Variants in PKHD1 observed in about 807,000 individuals in gnomAD.
The protein encoded by PKHD1 is PKHD1 ciliary IPT domain containing fibrocystin/polyductin.
A neutral mutation model predicts 412.0 loss-of-function variants in PKHD1; 291 were observed. The ratio of observed to expected loss-of-function variants is 0.71; its 90% confidence interval spans 0.64 to 0.78. PKHD1 has a LOEUF of 0.78. Among genes scored for constraint, PKHD1 ranks in the 30% least tolerant of loss-of-function variants. The pLI is 0.00. For synonymous variants in PKHD1, 1,777 were observed against 1,821.5 expected (o/e 0.98, Z 0.62); for missense variants, 4,825 against 4,950.7 (o/e 0.97, Z 0.76).
chr6:52,002,767 AAATT>A (rs1379761468), intron 35 of PKHD1, among the ~76,000 whole-genome samples: 1 of 152,048 alleles, frequency 6.6e-6, no homozygotes, highest in Admixed American at 6.5e-5. Context: ...AGGAGAAACA[AAATT>A]AATTAGGGAA....
chr6:51,854,345 C>T (rs1772890907), intron 49 of PKHD1, among the ~76,000 whole-genome samples: 1 of 152,058 alleles, frequency 6.6e-6, no homozygotes, highest in Non-Finnish European at 1.5e-5. Flanking sequence ...AACCTGATGC[C>T]AGTAGGATCG....
At chr6:51,771,820 T>C (rs1387420993) in intron 55 of PKHD1, among the ~76,000 whole-genome samples, 4 of 152,104 alleles carry the variant, frequency 2.6e-5, no homozygotes, top group African/African-American at 9.6e-5. Flanking sequence ...GTCCAATTCT[T>C]TGGTCACAAT....
At chr6:51,743,299 T>C (rs1307472304) in intron 60 of PKHD1, among the ~76,000 whole-genome samples, 1 of 152,002 alleles carries the variant, frequency 6.6e-6, no homozygotes, top group East Asian at 1.9e-4. Flanking sequence ...AATGAGAAGT[T>C]TGAGAATTTG....
At chr6:51,763,516 C>A (rs1233583147) in intron 55 of PKHD1, among the ~76,000 whole-genome samples, 1 of 152,070 alleles carries the variant, frequency 6.6e-6, no homozygotes, top group Non-Finnish European at 1.5e-5. Flanking sequence ...ATTAAAGTTT[C>A]TTATTGATCC....
chr6:51,994,735 C>A (rs1161155254), intron 35 of PKHD1, among the ~76,000 whole-genome samples: 1 of 152,162 alleles, frequency 6.6e-6, no homozygotes, highest in African/African-American at 2.4e-5. Flanking sequence ...GCACACGCCA[C>A]TATGCCCAGC....
chr6:51,671,763 A>G (rs1212987286), intron 60 of PKHD1, among the ~76,000 whole-genome samples: 1 of 152,076 alleles, frequency 6.6e-6, no homozygotes, highest in South Asian at 2.1e-4. Context: ...TTTTCCTTCT[A>G]ACAGACAGGA....
At chr6:51,732,247 A>G (rs1243303082) in intron 60 of PKHD1, among the ~76,000 whole-genome samples, 1 of 152,182 alleles carries the variant, frequency 6.6e-6, no homozygotes, top group East Asian at 1.9e-4. Flanking sequence ...CTAGATTTAG[A>G]AAAAAATCAC....
At chr6:51,924,928 A>T (rs1221533212) in intron 37 of PKHD1, among the ~76,000 whole-genome samples, 2 of 152,252 alleles carry the variant, frequency 1.3e-5, no homozygotes, top group Non-Finnish European at 2.9e-5. Flanking sequence ...AGTACATTAC[A>T]TGTTTTGTTT....
intron 36 of PKHD1, among the ~76,000 whole-genome samples, chr6:51,938,256 C>G (rs1191411971): frequency 6.6e-6 from 1 of 152,184 alleles, no homozygotes; most frequent in Non-Finnish European, 1.5e-5. Flanking sequence ...GGCCTCTGAG[C>G]CCAAGCTAAG....
chr6:51,680,579 A>C lies in PKHD1; in HGVS notation c.10157-20610T>G, dbSNP rs558141664. Among the ~76,000 whole-genome samples the C allele has an allele frequency of 2.0e-5, 3 of 152,160 alleles. No individual in the cohort carries two copies. In the East Asian group the frequency reaches 5.8e-4, roughly 29 times the overall value. On this transcript the variant is annotated intron_variant, in intron 60 of 66. Transcript: ENST00000371117. ...TTAATTTAATTATTAAAATGCATTC[A>C]CTGAAGTATTTTGCTTGTGTGACAA...
At chr6:51,898,001 C>A (rs1470020671) in intron 43 of PKHD1, among the ~76,000 whole-genome samples, 2 of 151,098 alleles carry the variant, frequency 1.3e-5, no homozygotes, top group Non-Finnish European at 3.0e-5. Flanking sequence ...CAGGAGCACC[C>A]AGATTCATAA....
chr6:51,985,545 G>A (rs1295231916), intron 35 of PKHD1, among the ~76,000 whole-genome samples: 5 of 152,094 alleles, frequency 3.3e-5, no homozygotes, highest in African/African-American at 7.2e-5. Flanking sequence ...CCTGGCCAAC[G>A]TGGCAAAACC....
rs374235991 is a variant in PKHD1, at chr6:51,836,419, G to A, written c.8158C>T (p.Pro2720Ser). 3.7e-5 allele frequency: 60 copies of A among 1,610,970 alleles called. No individual in the cohort carries two copies. The highest frequency in any genetic ancestry group is 4.7e-5 in the Non-Finnish European group (55 of 1,177,366). The stretch of plus-strand genomic sequence containing the variant: ...TAATACTCACCTGAAATAGTTGGGG[G>A]CATACCTTCCTTCACCCGGAGAATG... Reference protein sequence around the residue: ...QVILRVKEGMPPTISASTSAP... With the variant: ...QVILRVKEGMSPTISASTSAP... Residue 2720 changes from proline to serine, a missense_variant, in exon 51 of 67, where the codon CCC (proline) becomes TCC (serine). Transcript: ENST00000371117.
Position 51,836,490 on chromosome 6 carries a change from C to T in PKHD1, c.8108-21G>A, listed in dbSNP as rs202081524. 413 of 1,553,480 alleles carry T rather than the reference C, an allele frequency of 2.7e-4. No individual in the cohort carries two copies. Among genetic ancestry groups the T allele is most frequent in the Non-Finnish European group, 3.5e-4 (397 of 1,125,244 alleles). ...TGAAACTAAATACCAAAAGCCACAACTTGCATGTGATACAAAGATCATCTT... is the reference window on the plus strand; with the variant it reads ...TGAAACTAAATACCAAAAGCCACAATTTGCATGTGATACAAAGATCATCTT... On this transcript the variant is annotated intron_variant, in intron 50 of 66. Transcript: ENST00000371117.
chr6:51,859,525 CAAAA>C (rs10638642), intron 48 of PKHD1, among the ~76,000 whole-genome samples: 1 of 114,676 alleles, frequency 8.7e-6, no homozygotes, highest in African/African-American at 3.4e-5. Context: ...GATTCCGTCC[CAAAA>C]AAAAAAAAAA....
At chr6:51,785,243 G>C (rs989515457) in intron 53 of PKHD1, among the ~76,000 whole-genome samples, 1 of 152,036 alleles carries the variant, frequency 6.6e-6, no homozygotes, top group Non-Finnish European at 1.5e-5. Flanking sequence ...CCTTAGTATC[G>C]ATCTATTCAT....
intron 37 of PKHD1, among the ~76,000 whole-genome samples, chr6:51,931,851 T>C (rs146578041): frequency 1.6e-4 from 20 of 126,244 alleles, no homozygotes; most frequent in African/African-American, 5.3e-4. Flanking sequence ...AGAAGGAGAA[T>C]AAAGGAGAGG....
chr6:51,619,866 C>T (rs541563024), intron 66 of PKHD1, among the ~76,000 whole-genome samples: 2 of 152,106 alleles, frequency 1.3e-5, no homozygotes, highest in African/African-American at 4.8e-5. Flanking sequence ...TACCAACAGG[C>T]CAACTCACAC....
At chr6:51,955,103 T>A (rs1246289250) in intron 36 of PKHD1, among the ~76,000 whole-genome samples, 4 of 151,964 alleles carry the variant, frequency 2.6e-5, no homozygotes. Context: ...TATAATTAAC[T>A]AAATCAAGGC....
Sources: gnomAD v4.1 joint callset for allele counts (sites outside exome capture counted in the v4.1 genomes callset) on GRCh38, gnomAD v4.1.1 for gene constraint, MANE v1.5 for transcripts, NCBI Gene and HGNC (gene_info 2026-07-23, HGNC 2026-07-21) for gene names.